CDH18: variants seen among roughly 807,000 people sequenced by gnomAD.
CDH18 encodes cadherin-18.
CDH18 carries 31 observed loss-of-function variants against 67.9 expected under a neutral mutation model. The observed-to-expected ratio is 0.46, with a 90% CI of 0.34 to 0.62. The LOEUF (loss-of-function observed/expected upper bound fraction) is 0.62, where lower values mean the gene tolerates loss of function less well. CDH18 is among the 20% of genes least tolerant of loss of function. CDH18 has a pLI of 0.01. For missense variants in CDH18, 890 were observed against 975.5 expected (o/e 0.91, Z 1.17); for synonymous variants, 362 against 347.2 (o/e 1.04, Z -0.48).
chr5:19,888,976 T>C (rs1055643710), intron 2 of CDH18, among the ~76,000 whole-genome samples: 1 of 152,128 alleles, frequency 6.6e-6, no homozygotes, highest in Non-Finnish European at 1.5e-5. Flanking sequence ...CCATAATCTG[T>C]GCATGCTCAA....
chr5:19,755,139 A>G (rs896606959), intron 3 of CDH18, among the ~76,000 whole-genome samples: 1 of 151,800 alleles, frequency 6.6e-6, no homozygotes, highest in African/African-American at 2.4e-5. Context: ...AACCCAGCAG[A>G]AGAAAGGAAA....
intron 6 of CDH18, among the ~76,000 whole-genome samples, chr5:19,592,749 T>C (rs1050576464): frequency 2.0e-5 from 3 of 152,168 alleles, no homozygotes; most frequent in South Asian, 2.1e-4. Context: ...ATAGACACAG[T>C]ATTTTTCAGC....
At chr5:19,914,901 A>T (rs186630610) in intron 2 of CDH18, among the ~76,000 whole-genome samples, 1 of 152,170 alleles carries the variant, frequency 6.6e-6, no homozygotes, top group African/African-American at 2.4e-5. Flanking sequence ...GAACTTAACA[A>T]TTTTTTTGTG....
At chr5:20,330,203 CTATT>C (rs1331891634) in intron 1 of CDH18, among the ~76,000 whole-genome samples, 1 of 152,054 alleles carries the variant, frequency 6.6e-6, no homozygotes, top group African/African-American at 2.4e-5. Context: ...AAATTTGAAT[CTATT>C]GCTGAAATTG....
chr5:19,920,607 G>T (rs906197511), intron 2 of CDH18, among the ~76,000 whole-genome samples: 98 of 149,306 alleles, frequency 6.6e-4, no homozygotes, highest in African/African-American at 2.4e-3. Context: ...TCTGCCTCCT[G>T]GTTTCAAACG....
chr5:19,518,691 C>T (rs1746416653), intron 10 of CDH18, among the ~76,000 whole-genome samples: 1 of 152,148 alleles, frequency 6.6e-6, no homozygotes, highest in South Asian at 2.1e-4. Flanking sequence ...ACCAGGGGAT[C>T]TCAGTCCTTT....
At chr5:20,037,864 T>C (rs978081118) in intron 2 of CDH18, among the ~76,000 whole-genome samples, 6 of 151,814 alleles carry the variant, frequency 4.0e-5, no homozygotes, top group Non-Finnish European at 5.9e-5. Flanking sequence ...AGAGCAGAAC[T>C]GAAGGAGACA....
chr5:20,566,613 G>T (rs1432008349), intron 1 of CDH18, among the ~76,000 whole-genome samples: 1 of 143,896 alleles, frequency 6.9e-6, no homozygotes, highest in African/African-American at 2.6e-5. Flanking sequence ...CTGACTTCGT[G>T]ATCCGCCCAC....
At chr5:20,018,801 T>TAA (rs1183955999) in intron 2 of CDH18, among the ~76,000 whole-genome samples, 1 of 147,068 alleles carries the variant, frequency 6.8e-6, no homozygotes, top group African/African-American at 2.5e-5. Flanking sequence ...AAGGCATTCT[T>TAA]TTTTTTTTTT....
intron 3 of CDH18, among the ~76,000 whole-genome samples, chr5:19,762,932 G>A (rs559594016): frequency 6.6e-6 from 1 of 152,280 alleles, no homozygotes; most frequent in South Asian, 2.1e-4. Context: ...AAAAGGATGA[G>A]TTCCTGTCCT....
chr5:20,159,841 G>T (rs1201187716), intron 2 of CDH18, among the ~76,000 whole-genome samples: 1 of 152,110 alleles, frequency 6.6e-6, no homozygotes, highest in Non-Finnish European at 1.5e-5. Flanking sequence ...AATGGTCAAG[G>T]CAAGCCTACT....
chr5:20,174,033 A>C (rs1737044312), intron 2 of CDH18, among the ~76,000 whole-genome samples: 1 of 152,206 alleles, frequency 6.6e-6, no homozygotes, highest in African/African-American at 2.4e-5. Context: ...AATGTAATAG[A>C]ATTTATTTTA....
rs113203110 is a variant in CDH18, at chr5:20,453,931, G to T, written c.-580+121531C>A. Among the ~76,000 whole-genome samples, 271 of 152,176 alleles carry T rather than the reference G, an allele frequency of 1.8e-3. 3 individuals are homozygous for T. The highest frequency in any genetic ancestry group is 6.1e-3 in the African/African-American group (252 of 41,544). ...CATGAAAATATCCAATAACAGTTGC[G>T]AAGGGAGATAAAAATTAATACTTTT... On this transcript the variant is annotated intron_variant, in intron 1 of 14. Transcript: ENST00000507958.
intron 2 of CDH18, among the ~76,000 whole-genome samples, chr5:19,911,521 A>C (rs1791144607): frequency 6.6e-6 from 1 of 151,974 alleles, no homozygotes; most frequent in Admixed American, 6.6e-5. Context: ...TTTTGGAGTA[A>C]TTAGGTTGAG....
At chr5:20,016,710 T>C (rs1354949102) in intron 2 of CDH18, among the ~76,000 whole-genome samples, 1 of 152,140 alleles carries the variant, frequency 6.6e-6, no homozygotes, top group Non-Finnish European at 1.5e-5. Context: ...ATCTAACCTT[T>C]GTTCTAGGAA....
At chr5:20,233,145 G>C (rs986259695) in intron 2 of CDH18, among the ~76,000 whole-genome samples, 26 of 150,718 alleles carry the variant, frequency 1.7e-4, no homozygotes, top group Non-Finnish European at 3.8e-4. Flanking sequence ...AATTCCCCTA[G>C]CCCTGTGTAT....
chr5:20,106,643 C>T (rs1348089611), intron 2 of CDH18, among the ~76,000 whole-genome samples: 1 of 152,078 alleles, frequency 6.6e-6, no homozygotes, highest in Non-Finnish European at 1.5e-5. Flanking sequence ...CTTGTAATAC[C>T]TGCTGGGATT....
At chr5:19,804,743 C>T (rs1019239212) in intron 3 of CDH18, among the ~76,000 whole-genome samples, 1 of 151,976 alleles carries the variant, frequency 6.6e-6, no homozygotes, top group Admixed American at 6.6e-5. Context: ...TTAATGAGGG[C>T]GATGACTAAA....
intron 2 of CDH18, among the ~76,000 whole-genome samples, chr5:20,070,118 C>A (rs1743345420): frequency 6.6e-6 from 1 of 152,134 alleles, no homozygotes; most frequent in Non-Finnish European, 1.5e-5. Context: ...TTTACTGTAT[C>A]CATAGTTTTG....
Sources: allele counts gnomAD v4.1 joint callset (sites outside exome capture counted in the v4.1 genomes callset), GRCh38; gene constraint gnomAD v4.1.1; transcripts MANE v1.5; gene names NCBI Gene and HGNC (gene_info 2026-07-23, HGNC 2026-07-21).